AGBL1: variants seen among roughly 807,000 people sequenced by gnomAD.
AGBL1 encodes the protein AGBL carboxypeptidase 1, also known as cytosolic carboxypeptidase 4.
Under a neutral mutation model 118.9 loss-of-function variants are expected in AGBL1, and 130 were observed. The observed-to-expected ratio is 1.09, with a 90% CI of 0.95 to 1.26. The LOEUF is 1.26. Ranked by LOEUF, AGBL1 falls within the 50% of genes most tolerant of loss-of-function variation. The pLI is 0.00. For synonymous variants in AGBL1, 555 were observed against 478.9 expected (o/e 1.16, Z -2.08); for missense variants, 1,584 against 1,298.1 (o/e 1.22, Z -3.38).
intron 24 of AGBL1, among the ~76,000 whole-genome samples, chr15:87,028,522 T>A (rs1157680147): frequency 6.6e-6 from 1 of 152,100 alleles, no homozygotes; most frequent in African/African-American, 2.4e-5. Context: ...TGACTTTATA[T>A]TTTTAAATCA....
chr15:86,728,557 A>G (rs535838815), intron 22 of AGBL1, among the ~76,000 whole-genome samples: 32 of 152,240 alleles, frequency 2.1e-4, no homozygotes, highest in African/African-American at 7.5e-4. Flanking sequence ...GTGGAGCCAT[A>G]CTGAAGCCTG....
Position 86,268,156 on chromosome 15 carries a change from C to G in AGBL1, c.1838+1080C>G, listed in dbSNP as rs147067639. On this transcript the variant is annotated intron_variant, in intron 13 of 22. Transcript: ENST00000614907. ...AGAATTCAGTATAGCTGAGACCTCC[C>G]TCATATCCACCTGATGATTCATTTT... 6.6e-5 allele frequency among the ~76,000 whole-genome samples: 10 copies of G among 152,272 alleles called. No homozygotes were observed. In the East Asian group the frequency reaches 1.9e-3, roughly 29 times the overall value.
intron 17 of AGBL1, among the ~76,000 whole-genome samples, chr15:86,298,246 A>AATATATATATATATATATATATAT (rs59968237): frequency 1.3e-3 from 89 of 69,742 alleles, no homozygotes; most frequent in Non-Finnish European, 1.7e-3. Context: ...GTCTGTGTAT[A>AATATATATATATATATATATATAT]ATATATATAT....
At chr15:86,988,285 A>C in intron 24 of AGBL1, 4 of 554,458 alleles carry the variant, frequency 7.2e-6, no homozygotes, top group Non-Finnish European at 1.3e-5. Context: ...TTACATTCAC[A>C]CAAATGAATA....
chr15:86,098,364 T>C (rs1896511379), intron 1 of AGBL1, among the ~76,000 whole-genome samples: 1 of 152,204 alleles, frequency 6.6e-6, no homozygotes, highest in Non-Finnish European at 1.5e-5. Context: ...GCTTTTGAGG[T>C]CTTAGCCATA....
At chr15:86,295,508 G>A in intron 17 of AGBL1, 100 bp downstream of exon 17, 1 of 1,256,750 alleles carries the variant, frequency 8.0e-7, no homozygotes. Context: ...CTCCATAAAG[G>A]GTTGGAGACT....
At chr15:86,358,261 A>C (rs953260334) in intron 17 of AGBL1, among the ~76,000 whole-genome samples, 1 of 152,102 alleles carries the variant, frequency 6.6e-6, no homozygotes, top group Non-Finnish European at 1.5e-5. Flanking sequence ...TACAGTCCAC[A>C]TAAAAGTAAG....
chr15:86,393,674 C>T (rs1367277728), intron 17 of AGBL1, among the ~76,000 whole-genome samples: 11 of 152,192 alleles, frequency 7.2e-5, no homozygotes, highest in Non-Finnish European at 7.3e-5. Context: ...CTGTACATCT[C>T]CTTCTTTCCA....
In AGBL1 at chr15:86,958,378, T is replaced by C. The variant is rs182544023; in HGVS notation, c.3222-29609T>C. ...CCTCTGGAGGGTAAAATGTCCTCCA[T>C]TGAGAACCACAGAGTTAAATTAATT... On this transcript the variant is annotated intron_variant, in intron 23 of 24. Transcript: ENST00000441037. 1.3e-3 allele frequency among the ~76,000 whole-genome samples: 194 copies of C among 152,178 alleles called. 1 individual carries two copies. The highest frequency in any genetic ancestry group is 3.5e-3 in the African/African-American group (146 of 41,540).
chr15:86,286,143 T>G (rs1177596920), intron 16 of AGBL1, among the ~76,000 whole-genome samples: 1 of 151,936 alleles, frequency 6.6e-6, no homozygotes, highest in Non-Finnish European at 1.5e-5. Flanking sequence ...GTGTTTATTA[T>G]TTATTTTTAA....
chr15:86,658,734 G>A (rs536095319), intron 21 of AGBL1, among the ~76,000 whole-genome samples: 2 of 152,180 alleles, frequency 1.3e-5, no homozygotes, highest in South Asian at 4.1e-4. Flanking sequence ...GCTGGTGGGT[G>A]TTTCTGATAT....
chr15:86,459,871 C>T (rs1170142219), intron 18 of AGBL1, among the ~76,000 whole-genome samples: 2 of 152,030 alleles, frequency 1.3e-5, no homozygotes, highest in Admixed American at 1.3e-4. Context: ...TGAAGCAATG[C>T]TTATAGTGAA....
intron 20 of AGBL1, among the ~76,000 whole-genome samples, chr15:86,548,741 GA>G (rs2083622847): frequency 6.6e-6 from 1 of 151,662 alleles, no homozygotes; most frequent in African/African-American, 2.4e-5. Context: ...GAGAGCCACA[GA>G]AAAGCTAAGA....
chr15:86,425,634 A>T (rs2081857517), intron 18 of AGBL1, among the ~76,000 whole-genome samples: 1 of 152,178 alleles, frequency 6.6e-6, no homozygotes. Flanking sequence ...TTTTCAATAA[A>T]GTGTGTTTTA....
At chr15:86,137,392 G>A (rs559317854) in intron 1 of AGBL1, among the ~76,000 whole-genome samples, 3 of 152,236 alleles carry the variant, frequency 2.0e-5, no homozygotes, top group African/African-American at 7.2e-5. Flanking sequence ...GCACGTGGAG[G>A]TGTAAAATTT....
intron 23 of AGBL1, among the ~76,000 whole-genome samples, chr15:86,921,745 G>A (rs531017053): frequency 6.6e-6 from 1 of 152,310 alleles, no homozygotes; most frequent in Admixed American, 6.5e-5. Context: ...GGCCAAGGCT[G>A]TAATGTCAAG....
At chr15:86,398,820 A>G (rs1396724043) in intron 18 of AGBL1, among the ~76,000 whole-genome samples, 3 of 152,130 alleles carry the variant, frequency 2.0e-5, no homozygotes, top group African/African-American at 7.2e-5. Context: ...GAAAAGCATA[A>G]ATTCCAAATG....
intron 3 of AGBL1, among the ~76,000 whole-genome samples, chr15:86,149,462 A>AT (rs2077077490): frequency 6.6e-6 from 1 of 152,182 alleles, no homozygotes; most frequent in Admixed American, 6.5e-5. Flanking sequence ...AGCAAAAAAA[A>AT]GCAGGGGTTG....
intron 22 of AGBL1, among the ~76,000 whole-genome samples, chr15:86,738,590 C>G (rs1186983546): frequency 6.7e-6 from 1 of 149,224 alleles, no homozygotes; most frequent in East Asian, 1.9e-4. Context: ...TTTTCTGACT[C>G]TCTTCATCCG....
Sources: allele counts gnomAD v4.1 joint callset (sites outside exome capture counted in the v4.1 genomes callset), GRCh38; gene constraint gnomAD v4.1.1; transcripts MANE v1.5; gene names NCBI Gene and HGNC (gene_info 2026-07-23, HGNC 2026-07-21).